Variants in RNF145 observed in about 807,000 individuals in gnomAD.
RNF145 encodes the protein ring finger protein 145.
In RNF145, 12 loss-of-function variants were observed where a neutral mutation model predicts 57.3. The observed-to-expected ratio is 0.21, with a 90% confidence interval of 0.13 to 0.34. The LOEUF is 0.34. Ranked by LOEUF, RNF145 falls within the 10% of genes least tolerant of loss-of-function variation. RNF145 has a pLI of 1.00. For missense variants in RNF145, 429 were observed against 799.0 expected (o/e 0.54, Z 5.58); for synonymous variants, 262 against 288.3 (o/e 0.91, Z 0.92).
At chr5:159,196,981 T>C (rs1417050739) in intron 2 of RNF145, among the ~76,000 whole-genome samples, 2 of 152,210 alleles carry the variant, frequency 1.3e-5, no homozygotes, top group Non-Finnish European at 2.9e-5. Context: ...AATTATCCAG[T>C]CATTCAATCA....
At chr5:159,181,118 G>C (rs150791556) in intron 4 of RNF145, among the ~76,000 whole-genome samples, 3,339 of 140,792 alleles carry the variant, frequency 0.024, 147 homozygotes, top group African/African-American at 0.082. Context: ...GACAGAGCAA[G>C]ACTCTGTCTC....
At chr5:159,172,349 C>T (rs377409503) in intron 6 of RNF145, among the ~76,000 whole-genome samples, 7 of 152,014 alleles carry the variant, frequency 4.6e-5, no homozygotes, top group African/African-American at 1.2e-4. Flanking sequence ...GGTGTGGTGG[C>T]GCATGCCTGT....
At chr5:159,169,620 A>T in intron 7 of RNF145, 59 bp downstream of exon 7, 1 of 1,335,476 alleles carries the variant, frequency 7.5e-7, no homozygotes, top group Non-Finnish European at 1.0e-6. Context: ...ATTCATCATT[A>T]CTTCCTCAAG....
chr5:159,173,634 T>C (rs1474253507), intron 6 of RNF145, among the ~76,000 whole-genome samples: 4 of 152,226 alleles, frequency 2.6e-5, no homozygotes, highest in Non-Finnish European at 5.9e-5. Context: ...TTTAATGGTA[T>C]GGTACATTTT....
intron 3 of RNF145, among the ~76,000 whole-genome samples, chr5:159,189,102 T>C (rs1290933498): frequency 1.3e-5 from 2 of 151,820 alleles, no homozygotes; most frequent in Non-Finnish European, 2.9e-5. Flanking sequence ...ATAGATCTGA[T>C]AAGGGACTTG....
Position 159,207,918 on chromosome 5 carries a change from G to A in RNF145, c.-40+1313C>T, listed in dbSNP as rs79661254. 11,075 of 1,611,116 alleles carry A rather than the reference G, an allele frequency of 6.9e-3. 98 individuals carry two copies. Among genetic ancestry groups the A allele is most frequent in the South Asian group, 0.022 (2,048 of 91,060 alleles). ...CCATCGGCCGCTCAGCCTGGGTCACGACTGCAGCACCGACAGCTCATTCTT... is the reference window on the plus strand; with the variant it reads ...CCATCGGCCGCTCAGCCTGGGTCACAACTGCAGCACCGACAGCTCATTCTT... On this transcript the variant is annotated intron_variant, in intron 1 of 10. Transcript: ENST00000424310.
chr5:159,201,712 G>A (rs956953254), intron 2 of RNF145, among the ~76,000 whole-genome samples: 1 of 151,932 alleles, frequency 6.6e-6, no homozygotes, highest in African/African-American at 2.4e-5. Flanking sequence ...TAAAAAGGGG[G>A]GAAATATACA....
chr5:159,182,155 C>A, intron 3 of RNF145, 104 bp from the exon 4 acceptor site: 1 of 600,600 alleles, frequency 1.7e-6, no homozygotes, highest in East Asian at 2.8e-5. Flanking sequence ...CTTTCCATAT[C>A]TAAGGAAAAA....
At chr5:159,196,236 T>G (rs940712565) in intron 2 of RNF145, among the ~76,000 whole-genome samples, 8 of 152,026 alleles carry the variant, frequency 5.3e-5, no homozygotes, top group Non-Finnish European at 2.9e-5. Flanking sequence ...TGAGTTTTTT[T>G]TTTTTTTTTT....
chr5:159,187,469 AG>A (rs757183991), intron 3 of RNF145, among the ~76,000 whole-genome samples: 8 of 151,850 alleles, frequency 5.3e-5, no homozygotes, highest in Non-Finnish European at 1.0e-4. Context: ...CTTAGATTAT[AG>A]GTGCCTGCCA....
At chr5:159,208,024 T>TA in intron 1 of RNF145, 1 of 1,531,372 alleles carries the variant, frequency 6.5e-7, no homozygotes, top group East Asian at 2.4e-5. Flanking sequence ...CTCCTTCCCT[T>TA]TCAGACTAGT....
chr5:159,191,281 T>C (rs1482274850), intron 3 of RNF145, among the ~76,000 whole-genome samples: 3 of 152,156 alleles, frequency 2.0e-5, no homozygotes, highest in Admixed American at 1.3e-4. Flanking sequence ...ATTCTAAAGT[T>C]AATTTTCCTT....
intron 4 of RNF145, among the ~76,000 whole-genome samples, chr5:159,177,779 C>T (rs1169898717): frequency 1.3e-5 from 2 of 152,052 alleles, no homozygotes; most frequent in Non-Finnish European, 2.9e-5. Flanking sequence ...TTTCTATTAA[C>T]TTGCCATAGT....
At chr5:159,200,118 C>A (rs2113230314) in intron 2 of RNF145, among the ~76,000 whole-genome samples, 2 of 152,170 alleles carry the variant, frequency 1.3e-5, no homozygotes, top group South Asian at 4.1e-4. Flanking sequence ...CAGCAAGAAC[C>A]CATCCTCCCC....
At chr5:159,171,391 T>C (rs1310933727) in intron 6 of RNF145, among the ~76,000 whole-genome samples, 1 of 152,134 alleles carries the variant, frequency 6.6e-6, no homozygotes, top group Non-Finnish European at 1.5e-5. Context: ...TCTCCATATT[T>C]AGAAACATTT....
At chr5:159,198,763 T>G (rs922674236) in intron 2 of RNF145, among the ~76,000 whole-genome samples, 28 of 152,310 alleles carry the variant, frequency 1.8e-4, no homozygotes, top group African/African-American at 6.3e-4. Context: ...GGCTAATATC[T>G]GTAATCCTAG....
intron 5 of RNF145, among the ~76,000 whole-genome samples, chr5:159,176,155 A>G (rs1784713877): frequency 6.6e-6 from 1 of 152,156 alleles, no homozygotes; most frequent in Non-Finnish European, 1.5e-5. Context: ...GGAAGAAACT[A>G]TAGTCACAGT....
At chr5:159,208,995 G>A (rs1372424537) in intron 1 of RNF145, among the ~76,000 whole-genome samples, 1 of 151,500 alleles carries the variant, frequency 6.6e-6, no homozygotes, top group Non-Finnish European at 1.5e-5. Context: ...AGGGTCGGAG[G>A]GAGGCGACCA....
chr5:159,165,100 CA>C (rs1784349640), intron 8 of RNF145, among the ~76,000 whole-genome samples: 1 of 152,200 alleles, frequency 6.6e-6, no homozygotes, highest in African/African-American at 2.4e-5. Context: ...TTTGTCTGTG[CA>C]TGTCCCTCCT....
Sources: allele counts gnomAD v4.1 joint callset (sites outside exome capture counted in the v4.1 genomes callset), GRCh38; gene constraint gnomAD v4.1.1; transcripts MANE v1.5; gene names NCBI Gene and HGNC (gene_info 2026-07-23, HGNC 2026-07-21).